IFIH1: variants seen among roughly 807,000 people sequenced by gnomAD.
IFIH1 encodes the protein interferon-induced helicase C domain-containing protein 1.
IFIH1 carries 125 observed loss-of-function variants against 107.4 expected under a neutral mutation model. That is an observed-to-expected ratio of 1.16 (90% CI 1.01 to 1.35). The LOEUF (loss-of-function observed/expected upper bound fraction) is 1.35, where lower values mean the gene tolerates loss of function less well. Among genes scored for constraint, IFIH1 ranks in the 40% most tolerant of loss-of-function variants. The pLI is 0.00. For missense variants in IFIH1, 1,333 were observed against 1,213.7 expected (o/e 1.10, Z -1.46); for synonymous variants, 458 against 413.2 (o/e 1.11, Z -1.31).
rs1683285029 is a variant in IFIH1 at position 162,306,703 on chromosome 2, A to C, written c.769+6T>G. 6.2e-7 allele frequency: 1 copy of C among 1,613,166 alleles called. No homozygotes were observed. The highest frequency in any genetic ancestry group is 8.5e-7 in the Non-Finnish European group (1 of 1,179,344). ...CTGTATTAAAGTACGTATGTGTTTCAAGTACCTGAAACTACAGAAGAATCT... is the reference window on the plus strand; with the variant it reads ...CTGTATTAAAGTACGTATGTGTTTCCAGTACCTGAAACTACAGAAGAATCT... On this transcript the variant is annotated splice_donor_region_variant and intron_variant, in intron 3 of 15. Transcript: ENST00000649979.
intron 1 of IFIH1, among the ~76,000 whole-genome samples, chr2:162,313,401 T>A (rs1270817879): frequency 1.3e-5 from 2 of 152,214 alleles, no homozygotes; most frequent in African/African-American, 4.8e-5. Flanking sequence ...AATGGATGGA[T>A]GTTTTCACTA....
chr2:162,274,833 C>T (rs967114319), intron 11 of IFIH1, among the ~76,000 whole-genome samples: 1 of 152,102 alleles, frequency 6.6e-6, no homozygotes, highest in African/African-American at 2.4e-5. Context: ...TGCCCCCATA[C>T]ATTAAACAAA....
chr2:162,303,630 G>A (rs1192579885), intron 3 of IFIH1, among the ~76,000 whole-genome samples: 1 of 151,234 alleles, frequency 6.6e-6, no homozygotes, highest in African/African-American at 2.4e-5. Flanking sequence ...GGGAAGGGAA[G>A]GAGGGAGATA....
At chr2:162,312,866 T>C (rs1294271560) in intron 1 of IFIH1, among the ~76,000 whole-genome samples, 1 of 152,206 alleles carries the variant, frequency 6.6e-6, no homozygotes, top group East Asian at 1.9e-4. Context: ...TTTAAATATA[T>C]TTGACTGAAG....
Position 162,318,525 on chromosome 2 carries a change from G to A in IFIH1, c.-218C>T, listed in dbSNP as rs1376803972. The stretch of plus-strand genomic sequence containing the variant: ...GTGGGCAGGCGGGCAGGTGGGCAGC[G>A]GGGCGGCGCGCGGGGCCGCGGCAGG... On this transcript the variant is annotated 5_prime_UTR_variant, in exon 1 of 16. Transcript: ENST00000649979. 8.1e-5 allele frequency: 26 copies of A among 319,254 alleles called. 1 individual carries two copies. The highest frequency in any genetic ancestry group is 3.7e-4 in the South Asian group (3 of 8,030). The allele number at this position is 319,254 out of a possible 1,614,324, so 19.8% of individuals were successfully genotyped here. A position where few individuals can be genotyped will look rare whatever the true frequency, so the allele number is the denominator to read the frequency against.
At chr2:162,300,105 C>T (rs1683166604) in intron 3 of IFIH1, among the ~76,000 whole-genome samples, 2 of 152,136 alleles carry the variant, frequency 1.3e-5, no homozygotes, top group Non-Finnish European at 2.9e-5. Flanking sequence ...ATTACAGTTT[C>T]TTTGTGGAGG....
chr2:162,285,936 A>C (rs1027723631), intron 5 of IFIH1, among the ~76,000 whole-genome samples: 2 of 152,032 alleles, frequency 1.3e-5, no homozygotes, highest in Admixed American at 6.6e-5. Context: ...AAAGGAACTG[A>C]GGATTTTGAT....
intron 3 of IFIH1, among the ~76,000 whole-genome samples, chr2:162,302,046 C>T (rs545636705): frequency 3.3e-5 from 5 of 152,160 alleles, no homozygotes; most frequent in South Asian, 4.2e-4. Context: ...CATATCAACC[C>T]GCAAGTTTGG....
chr2:162,267,213 C>T lies in IFIH1; in HGVS notation c.3065G>A (p.Ser1022Asn). 1.3e-6 allele frequency: 2 copies of T among 1,590,304 alleles called. No individual in the cohort carries two copies. Among genetic ancestry groups the T allele is most frequent in the Non-Finnish European group, 1.7e-6 (2 of 1,172,640 alleles). The change falls in exon 16 of 16, where the codon AGT becomes AAT. Residue 1022 changes from serine to asparagine, a missense_variant. Coordinates refer to ENST00000649979, the MANE Select transcript of IFIH1 (RefSeq NM_022168.4). ...NLDYSECCLF[S>N]DED ...TTCAATCAAGTGCTAATCCTCATCACTAAATAAACAGCATTCTGAATAGTC... is the reference window on the plus strand; with the variant it reads ...TTCAATCAAGTGCTAATCCTCATCATTAAATAAACAGCATTCTGAATAGTC...
intron 1 of IFIH1, among the ~76,000 whole-genome samples, chr2:162,311,434 G>T (rs911142381): frequency 6.6e-6 from 1 of 151,182 alleles, no homozygotes; most frequent in Non-Finnish European, 1.5e-5. Flanking sequence ...AATTACTACT[G>T]CAGATTTATA....
At chr2:162,279,639 T>C (rs1054771270) in intron 8 of IFIH1, among the ~76,000 whole-genome samples, 1 of 152,014 alleles carries the variant, frequency 6.6e-6, no homozygotes. Context: ...CTGTGGAATG[T>C]CAGAAAATCA....
chr2:162,286,194 C>G (rs1439139584), intron 5 of IFIH1, among the ~76,000 whole-genome samples: 2 of 151,880 alleles, frequency 1.3e-5, no homozygotes, highest in Non-Finnish European at 2.9e-5. Flanking sequence ...GACATTTATT[C>G]CAAGGAACAA....
chr2:162,302,885 C>T (rs1683216263), intron 3 of IFIH1, among the ~76,000 whole-genome samples: 1 of 152,156 alleles, frequency 6.6e-6, no homozygotes, highest in Non-Finnish European at 1.5e-5. Context: ...CATGAGAAAT[C>T]CAGATATCAT....
intron 4 of IFIH1, among the ~76,000 whole-genome samples, chr2:162,290,253 TAA>T (rs531130830): frequency 1.3e-5 from 2 of 151,882 alleles, no homozygotes; most frequent in African/African-American, 2.4e-5. Flanking sequence ...AATAAACTAT[TAA>T]AAGAGTACAT....
In IFIH1 at chr2:162,282,348, ATAAACACT is replaced by A; in HGVS notation, c.1306+10_1306+17del. 6.5e-7 allele frequency: 1 copy of A among 1,529,060 alleles called. No individual in the cohort carries two copies. The highest frequency in any genetic ancestry group is 8.9e-7 in the Non-Finnish European group (1 of 1,125,352). The allele number at this position is 1,529,060 out of a possible 1,614,324, so 94.7% of individuals were successfully genotyped here. On this transcript the variant is annotated intron_variant, in intron 6 of 15. Coordinates refer to ENST00000649979, the MANE Select transcript of IFIH1 (RefSeq NM_022168.4). ...TATTACTATTAATTTTTTTAAAAAA[ATAAACACT>A]TAAACTGACCTGACAATTGAACACC... is the stretch of plus-strand genomic sequence containing the variant.
At position 162,293,781 on chromosome 2, in the gene IFIH1, C is replaced by T. The variant is rs1683040542; in HGVS notation, c.770-113G>A. 17 of 585,602 alleles carry T rather than the reference C, an allele frequency of 2.9e-5. 3 individuals are homozygous for T. In the South Asian group the frequency reaches 4.0e-4, roughly 14 times the overall value. The allele number at this position is 585,602 out of a possible 1,614,324, so 36.3% of individuals were successfully genotyped here. A position where few individuals can be genotyped will look rare whatever the true frequency, so the allele number is the denominator to read the frequency against. ...TACAGTTCAATTCAAGTGGGGAAGG[C>T]ACACCCAGACAATTATGAATAAAAG... On this transcript the variant is annotated intron_variant, in intron 3 of 15. Transcript: ENST00000649979.
chr2:162,300,248 A>T (rs1379088403), intron 3 of IFIH1, among the ~76,000 whole-genome samples: 2 of 152,160 alleles, frequency 1.3e-5, no homozygotes, highest in Non-Finnish European at 2.9e-5. Context: ...CTGGCTTCTG[A>T]CCTCATTCAC....
At chr2:162,291,967 T>C (rs966443086) in intron 4 of IFIH1, among the ~76,000 whole-genome samples, 8 of 151,880 alleles carry the variant, frequency 5.3e-5, no homozygotes, top group African/African-American at 1.9e-4. Context: ...CCTTTGAAAA[T>C]GTATTTGCTT....
At chr2:162,298,788 G>GCA (rs1558872682) in intron 3 of IFIH1, among the ~76,000 whole-genome samples, 9 of 149,546 alleles carry the variant, frequency 6.0e-5, no homozygotes, top group African/African-American at 9.8e-5. Flanking sequence ...GCACGCGCGC[G>GCA]CGCACACACA....
Sources: allele counts gnomAD v4.1 joint callset (sites outside exome capture counted in the v4.1 genomes callset), GRCh38; gene constraint gnomAD v4.1.1; transcripts MANE v1.5; gene names NCBI Gene and HGNC (gene_info 2026-07-23, HGNC 2026-07-21).